The following SRPRA variants were observed in gnomAD, a reference collection of about 807,000 sequenced individuals.
The protein encoded by SRPRA is SRP receptor subunit alpha, also known as signal recognition particle receptor subunit alpha.
SRPRA carries 30 observed loss-of-function variants against 61.1 expected under a neutral mutation model. That is an observed-to-expected ratio of 0.49 (90% confidence interval 0.37 to 0.67). The LOEUF is 0.67. Ranked by LOEUF, SRPRA falls within the 30% of genes least tolerant of loss-of-function variation. The pLI, the probability that SRPRA is intolerant of heterozygous loss-of-function variation, is 0.00. For missense variants in SRPRA, 759 were observed against 828.4 expected, an observed-to-expected ratio of 0.92 and a Z score of 1.03; for synonymous variants, 324 against 299.7, an observed-to-expected ratio of 1.08 and a Z score of -0.84.
the SRPRA span, among the ~76,000 whole-genome samples, chr11:126,251,007 A>T: frequency 2.0e-5 from 3 of 152,228 alleles, no homozygotes; most frequent in Admixed American, 6.5e-5. Context: ...GAACTGTAAG[A>T]TCTCTTTAGC....
chr11:126,268,551 C>T (rs1265233574), intron 1 of SRPRA, 137 bp downstream of exon 1: 2 of 642,732 alleles, frequency 3.1e-6, no homozygotes, highest in Middle Eastern at 3.2e-4. Context: ...GAAAACGAAG[C>T]GGAGTCCGGG....
Position 126,265,705 on chromosome 11 carries a change from A to G in SRPRA, c.1138+32T>C, listed in dbSNP as rs1232614571. ...TGAGGTCTATGCACTTAACCTACAC[A>G]TAAGCACTTTCTCACTTAGGTAAGT... is the stretch of plus-strand genomic sequence containing the variant. On this transcript the variant is annotated intron_variant, in intron 9 of 13. Transcript: ENST00000332118. The surrounding 1 kb of genome is among the most constrained non-coding windows in gnomAD (Gnocchi z 6.3). 3 of 1,609,208 alleles carry G rather than the reference A, an allele frequency of 1.9e-6. No homozygotes were observed. Among genetic ancestry groups the G allele is most frequent in the Non-Finnish European group, 2.6e-6 (3 of 1,175,602 alleles).
At chr11:126,256,963 T>G in the SRPRA span, 2 of 1,123,724 alleles carry the variant, frequency 1.8e-6, no homozygotes, top group South Asian at 3.0e-5. This position sits in a 1 kb window ranked among gnomAD's most constrained non-coding sequence, Gnocchi z 6.6. Context: ...ATGTAATGAC[T>G]GACCAAATTG....
At chr11:126,240,717 C>T in the SRPRA span, 8 of 1,419,190 alleles carry the variant, frequency 5.6e-6, no homozygotes, top group Non-Finnish European at 7.5e-6. Context: ...AAACTGTAAC[C>T]TGAGTCAGAC....
chr11:126,250,302 A>G, the SRPRA span, among the ~76,000 whole-genome samples: 1 of 152,126 alleles, frequency 6.6e-6, no homozygotes, highest in African/African-American at 2.4e-5. The surrounding 1 kb of genome is among the most constrained non-coding windows in gnomAD (Gnocchi z 5.1). Context: ...CGTGTTAGCC[A>G]GGATGGTCTC....
At chr11:126,247,258 C>T in the SRPRA span, among the ~76,000 whole-genome samples, 51 of 152,292 alleles carry the variant, frequency 3.3e-4, no homozygotes, top group African/African-American at 1.2e-3. Flanking sequence ...TGCCACTGTA[C>T]TCCAGCTTGG....
chr11:126,263,777 T>TG lies in SRPRA; in HGVS notation c.*138dup. The TG allele has an allele frequency of 3.3e-6, 4 of 1,220,246 alleles. No homozygotes were observed. In the South Asian group the frequency reaches 4.4e-5, roughly 13 times the overall value. The allele number at this position is 1,220,246 out of a possible 1,614,324, so 75.6% of individuals were successfully genotyped here. A position where few individuals can be genotyped will look rare whatever the true frequency, so the allele number is the denominator to read the frequency against. On this transcript the variant is annotated 3_prime_UTR_variant, in exon 14 of 14. Coordinates refer to ENST00000332118, the MANE Select transcript of SRPRA (RefSeq NM_003139.4). ...GGCTGTGCTGAACGGGGAGTGGGGTTGGAAGGAGCCACAAGCCCCCTCACT... is the reference window on the plus strand; with the variant it reads ...GGCTGTGCTGAACGGGGAGTGGGGTTGGGAAGGAGCCACAAGCCCCCTCACT...
rs1950834779 is a variant in SRPRA at position 126,267,402 on chromosome 11, A to G, written c.366-67T>C. On this transcript the variant is annotated intron_variant, in intron 3 of 13. Transcript: ENST00000332118. The surrounding 1 kb of genome is among the most constrained non-coding windows in gnomAD (Gnocchi z 4.2). Reference sequence around the variant, plus strand: ...GAAGGAAAAATAACGGTCCAGAGAAAGGACTCTCACACCCAAGAGGACAAT... The same window carrying G: ...GAAGGAAAAATAACGGTCCAGAGAAGGGACTCTCACACCCAAGAGGACAAT... The G allele has an allele frequency of 1.3e-6, 2 of 1,599,112 alleles. No individual in the cohort carries two copies.
Position 126,263,055 on chromosome 11 carries a change from G to A in SRPRA, c.*861C>T, listed in dbSNP as rs1347673388. On this transcript the variant is annotated 3_prime_UTR_variant, in exon 14 of 14. Transcript: ENST00000332118. ...CAAGCTACAGGACAAGTCTTAACAA[G>A]AGGTTTGTGTTCTTCAATGTAGCAC... The A allele has an allele frequency of 6.6e-6, 1 of 152,648 alleles. No individual in the cohort carries two copies. The highest frequency in any genetic ancestry group is 1.5e-5 in the Non-Finnish European group (1 of 68,056). The allele number at this position is 152,648 out of a possible 1,614,324, so 9.5% of individuals were successfully genotyped here. A position where few individuals can be genotyped will look rare whatever the true frequency, so the allele number is the denominator to read the frequency against.
At chr11:126,259,942 G>A (rs975346188), downstream of SRPRA, among the ~76,000 whole-genome samples, 5 of 150,980 alleles carry the variant, frequency 3.3e-5, no homozygotes, top group African/African-American at 7.3e-5. Context: ...GGATGGTCTC[G>A]ATCTCCTGAC....
the SRPRA span, chr11:126,254,443 GC>G: frequency 6.2e-7 from 1 of 1,613,684 alleles, no homozygotes; most frequent in Non-Finnish European, 8.5e-7. Flanking sequence ...GGTGAGTGGG[GC>G]TGATCTTGCT....
Position 126,263,966 on chromosome 11 carries a change from G to A in SRPRA, c.1867C>T (p.Leu623=). The A allele has an allele frequency of 6.2e-7, 1 of 1,614,206 alleles. No homozygotes were observed. Among genetic ancestry groups the A allele is most frequent in the South Asian group, 1.1e-5 (1 of 91,078 alleles). ...FVGTGQTYCD[L]RSLNAKAVVA... is the part of the protein sequence containing the mutation. ...ACAGCCTTGGCATTGAGGCTGCGTA[G>A]GTCACAGTAGGTCTGGCCGGTGCCC... The change falls in exon 14 of 14, where the codon CTA becomes TTA. Residue 623 remains leucine (L), a synonymous_variant. Transcript: ENST00000332118.
the SRPRA span, chr11:126,256,511 A>C: frequency 1.9e-6 from 3 of 1,545,950 alleles, no homozygotes; most frequent in African/African-American, 1.4e-5. This position sits in a 1 kb window ranked among gnomAD's most constrained non-coding sequence, Gnocchi z 6.6. Flanking sequence ...TTCTTGTTTC[A>C]GACTTGCCTT....
downstream of SRPRA, chr11:126,262,043 C>CT: frequency 7.0e-7 from 1 of 1,437,728 alleles, no homozygotes; most frequent in African/African-American, 1.4e-5. Context: ...TTAGGATTGA[C>CT]TTAAGTATCT....
At position 126,267,941 on chromosome 11, in the gene SRPRA, G is replaced by A; in HGVS notation, c.201+62C>T. 6.5e-7 allele frequency: 1 copy of A among 1,550,292 alleles called. No homozygotes were observed. Among genetic ancestry groups the A allele is most frequent in the Non-Finnish European group, 8.9e-7 (1 of 1,122,984 alleles). The stretch of plus-strand genomic sequence containing the variant: ...TATACACTGGCTGCAATTAATCAGA[G>A]TTCTCTTAAAAATCAGGGCTATGTT... On this transcript the variant is annotated intron_variant, in intron 2 of 13. Coordinates refer to ENST00000332118, the MANE Select transcript of SRPRA (RefSeq NM_003139.4). The surrounding 1 kb of genome is among the most constrained non-coding windows in gnomAD (Gnocchi z 4.2).
downstream of SRPRA, chr11:126,262,923 A>G (rs1950731966): frequency 2.0e-5 from 3 of 152,798 alleles, no homozygotes; most frequent in South Asian, 6.2e-4. Context: ...AAGAACTCCA[A>G]GACCTAAAAG....
intron 6 of SRPRA, 60 bp from the exon 7 acceptor site, chr11:126,266,338 C>T (rs537219176): frequency 3.1e-6 from 5 of 1,597,720 alleles, no homozygotes; most frequent in African/African-American, 2.7e-5. Context: ...AGGAAAACGT[C>T]CACATTGCTC....
chr11:126,255,053 C>A, the SRPRA span, among the ~76,000 whole-genome samples: 1 of 152,194 alleles, frequency 6.6e-6, no homozygotes, highest in Non-Finnish European at 1.5e-5. This position sits in a 1 kb window ranked among gnomAD's most constrained non-coding sequence, Gnocchi z 4.6. Context: ...TAATAGCCCT[C>A]TCTGTGTCAG....
At chr11:126,242,680 A>G in the SRPRA span, among the ~76,000 whole-genome samples, 17,874 of 152,250 alleles carry the variant, frequency 0.12, 1,103 homozygotes, top group South Asian at 0.14. Flanking sequence ...CAAAACCACA[A>G]CAAGGTGCCA....
Sources: gnomAD v4.1 joint callset for allele counts (sites outside exome capture counted in the v4.1 genomes callset) on GRCh38, gnomAD v4.1.1 for gene constraint, Gnocchi (gnomAD v3.1) non-coding constraint, MANE v1.5 for transcripts, NCBI Gene and HGNC (gene_info 2026-07-23, HGNC 2026-07-21) for gene names.